COL25A1: variants seen among roughly 807,000 people sequenced by gnomAD.
COL25A1 encodes collagen alpha-1(XXV) chain.
In COL25A1, 103 loss-of-function variants were observed where a neutral mutation model predicts 128.4. The ratio of observed to expected loss-of-function variants is 0.80; its 90% CI spans 0.68 to 0.94. The LOEUF is 0.94. Among genes scored for constraint, COL25A1 ranks in the 40% least tolerant of loss-of-function variants. The probability of loss-of-function intolerance (pLI) is 0.00; values close to 1 mark genes in which losing one functional copy is unlikely to be tolerated. For missense variants in COL25A1, 745 were observed against 840.0 expected (o/e 0.89, Z 1.40); for synonymous variants, 279 against 277.2 (o/e 1.01, Z -0.06).
chr4:108,886,397 T>C (rs889921424), intron 18 of COL25A1, among the ~76,000 whole-genome samples: 2 of 151,772 alleles, frequency 1.3e-5, no homozygotes, highest in African/African-American at 2.4e-5. Flanking sequence ...GCTTTGAATA[T>C]GGCCCAACAC....
At chr4:109,045,163 C>T (rs1339253173) in intron 5 of COL25A1, among the ~76,000 whole-genome samples, 1 of 152,140 alleles carries the variant, frequency 6.6e-6, no homozygotes, top group Non-Finnish European at 1.5e-5. Context: ...TGTAAGAATG[C>T]AGTATGTAAT....
chr4:108,846,974 T>G (rs899125251), intron 27 of COL25A1, among the ~76,000 whole-genome samples: 2 of 151,588 alleles, frequency 1.3e-5, no homozygotes, highest in Non-Finnish European at 2.9e-5. Context: ...GGTGCGATCT[T>G]GGCTCACTGC....
In COL25A1 at chr4:108,874,952, T is replaced by C. The variant is rs533864982; in HGVS notation, c.1021-5802A>G. ...ATTCCACATTCTCCATCTCTCCATCTGTTCACTCACTATCTCAAGTTAGAT... is the reference window on the plus strand; with the variant it reads ...ATTCCACATTCTCCATCTCTCCATCCGTTCACTCACTATCTCAAGTTAGAT... On this transcript the variant is annotated intron_variant, in intron 19 of 37. Coordinates refer to ENST00000399132, the MANE Select transcript of COL25A1 (RefSeq NM_198721.4). 2.0e-5 allele frequency among the ~76,000 whole-genome samples: 3 copies of C among 152,338 alleles called. No homozygotes were observed. In the South Asian group the frequency reaches 6.2e-4, roughly 32 times the overall value.
Position 109,074,879 on chromosome 4 carries a change from G to C in COL25A1, c.368-24700C>G, listed in dbSNP as rs1763259994. On this transcript the variant is annotated intron_variant, in intron 3 of 37. Transcript: ENST00000399132. ...AAGCATAAAGTTTCTTAATAAGATT[G>C]TAAGAAGTATGCGCATGACTTAAGA... is the stretch of plus-strand genomic sequence containing the variant. Among the ~76,000 whole-genome samples, 8 of 152,148 alleles carry C rather than the reference G, an allele frequency of 5.3e-5. No individual in the cohort carries two copies. In the South Asian group the frequency reaches 1.7e-3, roughly 31 times the overall value.
chr4:108,875,698 A>C (rs1739363440), intron 19 of COL25A1, among the ~76,000 whole-genome samples: 1 of 152,186 alleles, frequency 6.6e-6, no homozygotes, highest in African/African-American at 2.4e-5. Context: ...TTGACACAGC[A>C]ATCTCATTAC....
intron 19 of COL25A1, among the ~76,000 whole-genome samples, chr4:108,881,159 G>A (rs1413187407): frequency 1.3e-5 from 2 of 152,152 alleles, no homozygotes; most frequent in African/African-American, 4.8e-5. Context: ...TCGAAATTAA[G>A]TTATGCCTGT....
In COL25A1 at chr4:108,809,815, T is replaced by C. The variant is rs1019079438; in HGVS notation, c.*4112A>G. Reference sequence around the variant, plus strand: ...TAAAACAATTTAGCATAATCATAATTGGTCAAGCTTGTTAATTCCACTAGG... The same window carrying C: ...TAAAACAATTTAGCATAATCATAATCGGTCAAGCTTGTTAATTCCACTAGG... On this transcript the variant is annotated 3_prime_UTR_variant, in exon 38 of 38. Coordinates refer to ENST00000399132, the MANE Select transcript of COL25A1 (RefSeq NM_198721.4). The C allele has an allele frequency of 4.6e-5, 7 of 152,000 alleles. No homozygotes were observed. Among genetic ancestry groups the C allele is most frequent in the African/African-American group, 1.7e-4 (7 of 41,438 alleles). 9.4% of individuals were successfully genotyped at this position (152,000 alleles called of 1,614,324 possible).
chr4:108,844,274 C>T (rs1734813919), intron 30 of COL25A1, among the ~76,000 whole-genome samples: 1 of 152,222 alleles, frequency 6.6e-6, no homozygotes, highest in Non-Finnish European at 1.5e-5. Context: ...GTAGAGCTTG[C>T]TATATGTGTC....
chr4:108,998,530 G>A (rs1364983364), intron 6 of COL25A1, among the ~76,000 whole-genome samples: 2 of 152,100 alleles, frequency 1.3e-5, no homozygotes, highest in Non-Finnish European at 2.9e-5. Context: ...CATGAAAATG[G>A]CCAACCTGCC....
At chr4:109,255,272 C>T (rs1780999106) in intron 3 of COL25A1, among the ~76,000 whole-genome samples, 1 of 152,126 alleles carries the variant, frequency 6.6e-6, no homozygotes. Context: ...TAATCTATTT[C>T]AAGGGTAACT....
chr4:108,944,120 A>C (rs1748453159), intron 8 of COL25A1, among the ~76,000 whole-genome samples: 1 of 152,220 alleles, frequency 6.6e-6, no homozygotes, highest in Non-Finnish European at 1.5e-5. Flanking sequence ...AGTCTTCGGT[A>C]CTACAACTTC....
chr4:108,894,232 A>G (rs572745227), intron 16 of COL25A1, among the ~76,000 whole-genome samples: 95 of 152,326 alleles, frequency 6.2e-4, no homozygotes, highest in South Asian at 2.3e-3. Flanking sequence ...AAAAATTTTA[A>G]TTTTACAATA....
rs1485201383 is a variant in COL25A1, at chr4:109,161,697, TC to T, written c.368-111519del. 9.2e-5 allele frequency among the ~76,000 whole-genome samples: 14 copies of T among 152,366 alleles called. No homozygotes were observed. The East Asian group carries it at 2.3e-3, about 25-fold the overall frequency. Reference sequence around the variant, plus strand: ...AAACTCTGGAAGTTATATTGTATTTTCTTAAACAATTCAGAAAAACAAAAAC... The same window carrying T: ...AAACTCTGGAAGTTATATTGTATTTTTTAAACAATTCAGAAAAACAAAAAC... On this transcript the variant is annotated intron_variant, in intron 3 of 37. Coordinates refer to ENST00000399132, the MANE Select transcript of COL25A1 (RefSeq NM_198721.4).
intron 6 of COL25A1, among the ~76,000 whole-genome samples, chr4:109,006,866 C>T (rs1008099222): frequency 9.9e-5 from 15 of 152,106 alleles, no homozygotes; most frequent in African/African-American, 3.4e-4. Context: ...GATGAGAACA[C>T]ATGGACTCAT....
intron 3 of COL25A1, among the ~76,000 whole-genome samples, chr4:109,069,854 G>A (rs1306722313): frequency 6.6e-6 from 1 of 151,846 alleles, no homozygotes; most frequent in Non-Finnish European, 1.5e-5. Context: ...ATTCATATAT[G>A]AAATAAGCAT....
chr4:108,965,498 A>G (rs1751192393), intron 8 of COL25A1, among the ~76,000 whole-genome samples: 3 of 152,226 alleles, frequency 2.0e-5, no homozygotes, highest in Non-Finnish European at 4.4e-5. Flanking sequence ...TCAGAAAAAC[A>G]TAGTATTCCA....
At chr4:109,271,411 T>C (rs1560961383) in intron 3 of COL25A1, among the ~76,000 whole-genome samples, 1 of 152,204 alleles carries the variant, frequency 6.6e-6, no homozygotes, top group African/African-American at 2.4e-5. Flanking sequence ...AAGCAGCTAA[T>C]AAAGAGAATA....
At chr4:109,282,927 C>T (rs191375345) in intron 3 of COL25A1, among the ~76,000 whole-genome samples, 20 of 152,204 alleles carry the variant, frequency 1.3e-4, no homozygotes, top group African/African-American at 4.6e-4. Context: ...CTAATTATGA[C>T]TAGTTACTAT....
intron 3 of COL25A1, among the ~76,000 whole-genome samples, chr4:109,149,633 C>T (rs1771278628): frequency 1.3e-5 from 2 of 152,174 alleles, no homozygotes; most frequent in Non-Finnish European, 2.9e-5. Context: ...GTCTACAAAA[C>T]ACAACAAATC....
Sources: allele counts gnomAD v4.1 joint callset (sites outside exome capture counted in the v4.1 genomes callset), GRCh38; gene constraint gnomAD v4.1.1; transcripts MANE v1.5; gene names NCBI Gene and HGNC (gene_info 2026-07-23, HGNC 2026-07-21).